SYN3: variants seen among roughly 807,000 people sequenced by gnomAD.
SYN3 encodes synapsin-3.
A neutral mutation model predicts 65.8 loss-of-function variants in SYN3; 35 were observed. The observed-to-expected ratio is 0.53, with a 90% confidence interval of 0.41 to 0.70. The LOEUF is 0.70. SYN3 is among the 30% of genes least tolerant of loss of function. The pLI, the probability that SYN3 is intolerant of heterozygous loss-of-function variation, is 0.00. For missense variants in SYN3, 680 were observed against 749.0 expected (o/e 0.91, Z 1.08); for synonymous variants, 270 against 292.9 (o/e 0.92, Z 0.80).
intron 2 of SYN3, among the ~76,000 whole-genome samples, chr22:32,981,106 C>T (rs1279847290): frequency 2.0e-5 from 3 of 151,092 alleles, no homozygotes; most frequent in Non-Finnish European, 4.4e-5. Flanking sequence ...CCACCCACCT[C>T]GCCCTCCCAA....
At position 32,995,819 on chromosome 22, in the gene SYN3, C is replaced by T. The variant is rs547413488; in HGVS notation, c.311+10533G>A. Among the ~76,000 whole-genome samples, 209 of 149,828 alleles carry T rather than the reference C, an allele frequency of 1.4e-3. 1 individual carries two copies. The highest frequency in any genetic ancestry group is 4.9e-3 in the African/African-American group (194 of 39,228). On this transcript the variant is annotated intron_variant, in intron 2 of 13. Transcript: ENST00000358763. Reference sequence around the variant, plus strand: ...CTGGGATTACAGGCATGCGCCACCACGCTCAGTTAATTTTTGTATTTTTAG... The same window carrying T: ...CTGGGATTACAGGCATGCGCCACCATGCTCAGTTAATTTTTGTATTTTTAG...
intron 6 of SYN3, among the ~76,000 whole-genome samples, chr22:32,675,496 G>A (rs1368943259): frequency 6.6e-6 from 1 of 152,152 alleles, no homozygotes; most frequent in African/African-American, 2.4e-5. Context: ...TGGGAGAACA[G>A]CTGGCATCTG....
intron 2 of SYN3, among the ~76,000 whole-genome samples, chr22:32,999,413 G>T (rs1198929120): frequency 6.6e-6 from 1 of 152,184 alleles, no homozygotes; most frequent in East Asian, 1.9e-4. Flanking sequence ...GGCCAGTCAC[G>T]GTGGCTCACG....
intron 6 of SYN3, among the ~76,000 whole-genome samples, chr22:32,677,669 C>T (rs1345879852): frequency 3.9e-5 from 6 of 152,030 alleles, no homozygotes; most frequent in South Asian, 2.1e-4. Context: ...GTCGTGGTGG[C>T]GGGCGCCTGT....
At chr22:32,648,863 A>T (rs1240329679) in intron 6 of SYN3, among the ~76,000 whole-genome samples, 1 of 152,220 alleles carries the variant, frequency 6.6e-6, no homozygotes, top group Admixed American at 6.5e-5. Context: ...GCCACACAAC[A>T]GTCATTGGCC....
At chr22:32,555,111 G>A (rs2058474572) in intron 7 of SYN3, among the ~76,000 whole-genome samples, 1 of 152,186 alleles carries the variant, frequency 6.6e-6, no homozygotes, top group Admixed American at 6.5e-5. Flanking sequence ...CTGAAAGAAT[G>A]AATGAAGAGG....
chr22:32,918,210 C>T (rs1163188271), intron 4 of SYN3, among the ~76,000 whole-genome samples: 1 of 152,236 alleles, frequency 6.6e-6, no homozygotes, highest in Non-Finnish European at 1.5e-5. Flanking sequence ...GTGCCAGGTG[C>T]TGGGGCCACA....
intron 6 of SYN3, among the ~76,000 whole-genome samples, chr22:32,633,211 G>A (rs760836335): frequency 6.6e-6 from 1 of 152,152 alleles, no homozygotes; most frequent in African/African-American, 2.4e-5. Flanking sequence ...TTATTTTTAC[G>A]AAATACTTCA....
At position 32,512,621 on chromosome 22, in the gene SYN3, T is replaced by C. The variant is rs2057704039; in HGVS notation, c.*1071A>G. On this transcript the variant is annotated 3_prime_UTR_variant, in exon 14 of 14. Transcript: ENST00000358763. ...AGCCTTTGACATATATTATATACAA[T>C]GCGTCTCCAAAAAAAGAAATACAAA... 6.6e-6 allele frequency: 1 copy of C among 152,208 alleles called. No homozygotes were observed. The highest frequency in any genetic ancestry group is 2.1e-4 in the South Asian group (1 of 4,834). 9.4% of individuals were successfully genotyped at this position (152,208 alleles called of 1,614,324 possible).
chr22:32,848,687 C>G (rs557966211), intron 6 of SYN3, among the ~76,000 whole-genome samples: 1 of 152,196 alleles, frequency 6.6e-6, no homozygotes, highest in Non-Finnish European at 1.5e-5. Flanking sequence ...CTAATCCCTT[C>G]AGTTCAAGAG....
In SYN3 at chr22:32,801,283, G is replaced by A. The variant is rs1602180615; in HGVS notation, c.711+63632C>T. Among the ~76,000 whole-genome samples, 1 of 152,376 alleles carries A rather than the reference G, an allele frequency of 6.6e-6. No individual in the cohort carries two copies. The highest frequency in any genetic ancestry group is 1.5e-5 in the Non-Finnish European group (1 of 68,038). On this transcript the variant is annotated intron_variant, in intron 6 of 13. Transcript: ENST00000358763. This position sits in a 1 kb window ranked among gnomAD's most constrained non-coding sequence, Gnocchi z 4.7. ...TCCCCCGCTGGTTCCACCAAGCACA[G>A]TCAAGGTCTCTAGGACATGGCCACC... is the stretch of plus-strand genomic sequence containing the variant.
At chr22:32,884,773 A>G (rs1481012185) in intron 4 of SYN3, among the ~76,000 whole-genome samples, 4 of 152,180 alleles carry the variant, frequency 2.6e-5, no homozygotes, top group Non-Finnish European at 5.9e-5. Context: ...GCTACTCAAG[A>G]GGCTGAGGCA....
At chr22:32,842,022 C>T (rs550272031) in intron 6 of SYN3, among the ~76,000 whole-genome samples, 17 of 152,138 alleles carry the variant, frequency 1.1e-4, no homozygotes, top group Middle Eastern at 3.4e-3. Context: ...TGGGTGACTT[C>T]GACAAGCACT....
intron 6 of SYN3, among the ~76,000 whole-genome samples, chr22:32,850,969 T>C (rs2048202275): frequency 6.6e-6 from 1 of 152,210 alleles, no homozygotes; most frequent in Admixed American, 6.5e-5. Flanking sequence ...ACCTGTTGCT[T>C]TGGATTCAAT....
Position 33,029,407 on chromosome 22 carries a change from T to G in SYN3, c.-162-22583A>C, listed in dbSNP as rs144818312. Among the ~76,000 whole-genome samples the G allele has an allele frequency of 2.3e-3, 344 of 152,196 alleles. 10 individuals are homozygous for G. The highest frequency in any genetic ancestry group is 0.018 in the Admixed American group (272 of 15,282). On this transcript the variant is annotated intron_variant, in intron 1 of 13. Coordinates refer to ENST00000358763, the MANE Select transcript of SYN3 (RefSeq NM_003490.4). ...TATGTTGCCCAGGCTGGTCTGGAAC[T>G]CCTGGCCTCAAGAAATCCTCCCACC...
chr22:32,639,807 A>G (rs1819258302), intron 6 of SYN3, among the ~76,000 whole-genome samples: 3 of 152,186 alleles, frequency 2.0e-5, no homozygotes, highest in Admixed American at 1.3e-4. Context: ...TTGGCCTCCC[A>G]AAGTGCCTGG....
intron 3 of SYN3, among the ~76,000 whole-genome samples, chr22:32,945,473 A>G (rs910801064): frequency 6.6e-6 from 1 of 152,186 alleles, no homozygotes; most frequent in Non-Finnish European, 1.5e-5. Flanking sequence ...GGTGCTGGGA[A>G]AACTGGCTAG....
chr22:32,655,958 T>A (rs2060136690), intron 6 of SYN3, among the ~76,000 whole-genome samples: 2 of 152,100 alleles, frequency 1.3e-5, no homozygotes, highest in Non-Finnish European at 2.9e-5. Flanking sequence ...CTTCACCACT[T>A]CATGACCATT....
At chr22:32,891,042 G>A (rs2049431441) in intron 4 of SYN3, among the ~76,000 whole-genome samples, 1 of 152,140 alleles carries the variant, frequency 6.6e-6, no homozygotes, top group Admixed American at 6.5e-5. Context: ...CTCTTTGGCT[G>A]TTCCCTGCAT....
Sources: allele counts gnomAD v4.1 joint callset (sites outside exome capture counted in the v4.1 genomes callset), GRCh38; gene constraint gnomAD v4.1.1; non-coding constraint Gnocchi (gnomAD v3.1); transcripts MANE v1.5; gene names NCBI Gene and HGNC (gene_info 2026-07-23, HGNC 2026-07-21).